The following PDE1A variants were observed in gnomAD, a reference collection of about 807,000 sequenced individuals.
PDE1A encodes phosphodiesterase 1A.
Under a neutral mutation model 61.7 loss-of-function variants are expected in PDE1A, and 35 were observed. The observed-to-expected ratio is 0.57, with a 90% CI of 0.43 to 0.75. PDE1A has a LOEUF of 0.75. PDE1A is among the 30% of genes least tolerant of loss of function. PDE1A has a pLI of 0.00. For missense variants in PDE1A, 597 were observed against 630.6 expected (o/e 0.95, Z 0.57); for synonymous variants, 232 against 213.2 (o/e 1.09, Z -0.77).
At chr2:182,708,214 G>A in the PDE1A span, among the ~76,000 whole-genome samples, 1 of 151,978 alleles carries the variant, frequency 6.6e-6, no homozygotes, top group African/African-American at 2.4e-5. Flanking sequence ...GCCCCTACTA[G>A]CTTTGCAACC....
chr2:182,568,560 G>T, the PDE1A span, among the ~76,000 whole-genome samples: 3 of 152,108 alleles, frequency 2.0e-5, no homozygotes, highest in Admixed American at 1.3e-4. Context: ...CAGCTACTCG[G>T]AAGGCTGAGG....
chr2:182,591,860 G>A, the PDE1A span, among the ~76,000 whole-genome samples: 4 of 152,200 alleles, frequency 2.6e-5, no homozygotes, highest in African/African-American at 9.7e-5. Flanking sequence ...TACATCTTGA[G>A]CATTCTCATT....
chr2:182,645,945 G>T, the PDE1A span, among the ~76,000 whole-genome samples: 5 of 152,038 alleles, frequency 3.3e-5, no homozygotes, highest in African/African-American at 1.2e-4. Flanking sequence ...TTCTAAATAT[G>T]CTGAATGAGT....
the PDE1A span, among the ~76,000 whole-genome samples, chr2:182,569,254 A>AATATATATATAT: frequency 0.01 from 1,416 of 138,508 alleles, 38 homozygotes; most frequent in African/African-American, 0.037. Context: ...ACCTGTCTCA[A>AATATATATATAT]ATATATATAT....
chr2:182,675,885 T>C, the PDE1A span, among the ~76,000 whole-genome samples: 1 of 152,210 alleles, frequency 6.6e-6, no homozygotes, highest in Non-Finnish European at 1.5e-5. Flanking sequence ...GCAAAAATGT[T>C]CTCCCATTCT....
chr2:182,571,355 G>C, the PDE1A span, among the ~76,000 whole-genome samples: 4 of 152,110 alleles, frequency 2.6e-5, no homozygotes, highest in Non-Finnish European at 5.9e-5. Flanking sequence ...AATCATAGAA[G>C]AGATGATAGG....
Position 182,499,173 on chromosome 2 carries a change from G to GTTTT in PDE1A, c.101+23099_101+23102dup, listed in dbSNP as rs545033513. Reference sequence around the variant, plus strand: ...AGGCTATTTTCTTTCTCTTTTTCTTGTTTTTTTTTTTTTTTTTTTTTGAGA... The same window carrying GTTTT: ...AGGCTATTTTCTTTCTCTTTTTCTTGTTTTTTTTTTTTTTTTTTTTTTTTTGAGA... On this transcript the variant is annotated intron_variant, in intron 2 of 14. Coordinates refer to the PDE1A transcript ENST00000410103. Among the ~76,000 whole-genome samples, 30 of 77,322 alleles carry GTTTT rather than the reference G, an allele frequency of 3.9e-4. 1 individual carries two copies. The highest frequency in any genetic ancestry group is 9.5e-4 in the East Asian group (2 of 2,106). The allele number at this position is 77,322 out of a possible 152,430, so 50.7% of individuals were successfully genotyped here. A position where few individuals can be genotyped will look rare whatever the true frequency, so the allele number is the denominator to read the frequency against.
intron 1 of PDE1A, among the ~76,000 whole-genome samples, chr2:182,375,355 G>A (rs1193237598): frequency 6.6e-6 from 1 of 152,124 alleles, no homozygotes; most frequent in Non-Finnish European, 1.5e-5. Context: ...ATACAATGGG[G>A]GTACAGGTAT....
At chr2:182,678,679 A>G in the PDE1A span, among the ~76,000 whole-genome samples, 2 of 152,206 alleles carry the variant, frequency 1.3e-5, no homozygotes, top group African/African-American at 2.4e-5. Flanking sequence ...AAATGACATA[A>G]TGGAAACTAG....
At chr2:182,592,878 T>C in the PDE1A span, among the ~76,000 whole-genome samples, 3 of 152,156 alleles carry the variant, frequency 2.0e-5, no homozygotes, top group Non-Finnish European at 4.4e-5. Context: ...ACAGTGTACT[T>C]GAATCTGCTA....
chr2:182,170,986 C>T (rs1027742441), intron 13 of PDE1A, among the ~76,000 whole-genome samples: 1 of 151,870 alleles, frequency 6.6e-6, no homozygotes, highest in Non-Finnish European at 1.5e-5. Flanking sequence ...AATACTTTCC[C>T]ACCAATTTTA....
At chr2:182,317,560 A>G (rs922981931) in intron 1 of PDE1A, among the ~76,000 whole-genome samples, 3 of 152,174 alleles carry the variant, frequency 2.0e-5, no homozygotes. Context: ...AGAGGCATAC[A>G]TAACAATGAG....
intron 1 of PDE1A, among the ~76,000 whole-genome samples, chr2:182,359,625 T>A (rs1272856972): frequency 6.6e-6 from 1 of 152,122 alleles, no homozygotes; most frequent in Non-Finnish European, 1.5e-5. Flanking sequence ...TTTTTTTGTT[T>A]GACATCCACA....
intron 1 of PDE1A, among the ~76,000 whole-genome samples, chr2:182,311,458 C>T (rs1048294066): frequency 6.6e-6 from 1 of 152,204 alleles, no homozygotes; most frequent in Admixed American, 6.5e-5. Flanking sequence ...ACTGAAGACA[C>T]AGAACATTTC....
chr2:182,243,239 T>G (rs1477285102), intron 2 of PDE1A, among the ~76,000 whole-genome samples: 1 of 152,106 alleles, frequency 6.6e-6, no homozygotes, highest in Non-Finnish European at 1.5e-5. Flanking sequence ...GAATGATCCC[T>G]TATCAGGTAG....
At chr2:182,461,895 A>C (rs1165515374) in intron 2 of PDE1A, among the ~76,000 whole-genome samples, 2 of 152,156 alleles carry the variant, frequency 1.3e-5, no homozygotes, top group Non-Finnish European at 2.9e-5. Flanking sequence ...CCAGTAGAAG[A>C]AAGATATAAA....
At chr2:182,232,994 T>A (rs1177734583) in intron 4 of PDE1A, among the ~76,000 whole-genome samples, 2 of 152,194 alleles carry the variant, frequency 1.3e-5, no homozygotes, top group African/African-American at 4.8e-5. Flanking sequence ...AACTAAAACA[T>A]TCTTTACTTG....
intron 2 of PDE1A, among the ~76,000 whole-genome samples, chr2:182,251,572 T>C (rs1691406394): frequency 6.6e-6 from 1 of 152,206 alleles, no homozygotes; most frequent in Non-Finnish European, 1.5e-5. Flanking sequence ...AGCACCCTGG[T>C]TTAACAAGCC....
At chr2:182,398,109 A>G (rs1701809370) in intron 1 of PDE1A, among the ~76,000 whole-genome samples, 1 of 150,170 alleles carries the variant, frequency 6.7e-6, no homozygotes, top group Non-Finnish European at 1.5e-5. Context: ...TGACAAAAAG[A>G]GAGAAAATGT....
Sources: allele counts gnomAD v4.1 joint callset (sites outside exome capture counted in the v4.1 genomes callset), GRCh38; gene constraint gnomAD v4.1.1; transcripts MANE v1.5; gene names NCBI Gene and HGNC (gene_info 2026-07-23, HGNC 2026-07-21).